DLC1: variants seen among roughly 807,000 people sequenced by gnomAD.
DLC1 encodes the protein rho GTPase-activating protein 7.
In DLC1, 54 loss-of-function variants were observed where a neutral mutation model predicts 140.3. The observed-to-expected ratio is 0.38, with a 90% confidence interval of 0.31 to 0.48. DLC1 has a LOEUF of 0.48. Among genes scored for constraint, DLC1 ranks in the 20% least tolerant of loss-of-function variants. The probability of loss-of-function intolerance (pLI) is 0.96; values close to 1 mark genes in which losing one functional copy is unlikely to be tolerated. For missense variants in DLC1, 2,536 were observed against 1,907.0 expected (o/e 1.33, Z -6.14); for synonymous variants, 986 against 728.1 (o/e 1.35, Z -5.70).
intron 1 of DLC1, among the ~76,000 whole-genome samples, chr8:13,592,217 G>A (rs1237966288): frequency 6.6e-6 from 1 of 152,070 alleles, no homozygotes; most frequent in Non-Finnish European, 1.5e-5. Context: ...ATGTCTTCTA[G>A]AAATTTTCGA....
At chr8:13,180,822 T>G (rs575543966) in intron 5 of DLC1, among the ~76,000 whole-genome samples, 1 of 152,348 alleles carries the variant, frequency 6.6e-6, no homozygotes, top group East Asian at 1.9e-4. Context: ...CTTTAAATAT[T>G]GAAAATAGAG....
At chr8:13,098,284 G>C in intron 10 of DLC1, 115 bp downstream of exon 10, 1 of 1,303,718 alleles carries the variant, frequency 7.7e-7, no homozygotes, top group East Asian at 2.3e-5. Flanking sequence ...TAGGATGACA[G>C]ATGAAATATA....
Position 13,099,577 on chromosome 8 carries a change from G to C in DLC1, c.2760C>G (p.Val920=), listed in dbSNP as rs1585612144. The C allele has an allele frequency of 6.2e-7, 1 of 1,614,174 alleles. No homozygotes were observed. Among genetic ancestry groups the C allele is most frequent in the Non-Finnish European group, 8.5e-7 (1 of 1,180,034 alleles). Residue 920 remains valine (V), a synonymous_variant, in exon 9 of 18, where the codon GTC becomes GTG. Coordinates refer to ENST00000276297, the MANE Select transcript of DLC1 (RefSeq NM_182643.3). The part of the protein sequence containing the change: ...LYHVKGMQRI[V]NQWSEKFSDE... ...CAGAAAACTTCTCCGACCACTGATT[G>C]ACTATCCGCTGCATCCCCTTCACGT... is the stretch of plus-strand genomic sequence containing the variant.
At chr8:13,385,819 C>G (rs2117181806) in intron 4 of DLC1, among the ~76,000 whole-genome samples, 1 of 152,278 alleles carries the variant, frequency 6.6e-6, no homozygotes, top group Non-Finnish European at 1.5e-5. Context: ...GACATGAGCA[C>G]AGAGGCCATC....
rs3066420 is a variant in DLC1 at position 13,537,648 on chromosome 8, C to CTTTTTTT, written c.-125-37459_-125-37453dup. Among the ~76,000 whole-genome samples, 386 of 90,346 alleles carry CTTTTTTT rather than the reference C, an allele frequency of 4.3e-3. 15 individuals carry two copies. The highest frequency in any genetic ancestry group is 0.017 in the African/African-American group (365 of 21,886). 59.3% of individuals were successfully genotyped at this position (90,346 alleles called of 152,430 possible). ...ATGGTAATAGTAACAACAGCTAACT[C>CTTTTTTT]TTTTTTTTTTTTTTTTTTTTTTTGA... On this transcript the variant is annotated intron_variant, in intron 1 of 1. Transcript: ENST00000631382.
chr8:13,425,277 C>T (rs1001654646), intron 2 of DLC1, among the ~76,000 whole-genome samples: 1 of 152,174 alleles, frequency 6.6e-6, no homozygotes, highest in Non-Finnish European at 1.5e-5. Flanking sequence ...AGTGTTGAAA[C>T]GTTGCCAGGA....
At chr8:13,471,497 C>CAGGG (rs148769665) in intron 2 of DLC1, among the ~76,000 whole-genome samples, 26,627 of 115,288 alleles carry the variant, frequency 0.23, 3,949 homozygotes, top group African/African-American at 0.46. Flanking sequence ...GGAAGGGAGG[C>CAGGG]AGGGAAAGGA....
intron 1 of DLC1, among the ~76,000 whole-genome samples, chr8:13,595,399 A>G (rs1805650262): frequency 6.6e-6 from 1 of 152,094 alleles, no homozygotes. Flanking sequence ...TAGTTATGCA[A>G]ACAGAAATTG....
chr8:13,208,773 C>T (rs1436592714), intron 5 of DLC1, among the ~76,000 whole-genome samples: 1 of 149,514 alleles, frequency 6.7e-6, no homozygotes, highest in Non-Finnish European at 1.5e-5. Context: ...CACACACACA[C>T]ACTTCTAATA....
intron 1 of DLC1, among the ~76,000 whole-genome samples, chr8:13,577,012 G>C (rs1440919502): frequency 6.6e-6 from 1 of 152,150 alleles, no homozygotes; most frequent in Non-Finnish European, 1.5e-5. Context: ...TTGCTGATTG[G>C]ACATAATCTA....
chr8:13,327,891 C>G (rs1478137858), intron 4 of DLC1, among the ~76,000 whole-genome samples: 1 of 152,156 alleles, frequency 6.6e-6, no homozygotes, highest in African/African-American at 2.4e-5. Context: ...TTTAGCTATT[C>G]TGAGGAACTA....
chr8:13,367,884 G>A (rs967919078), intron 4 of DLC1, among the ~76,000 whole-genome samples: 21 of 152,162 alleles, frequency 1.4e-4, no homozygotes, highest in African/African-American at 5.1e-4. Flanking sequence ...TAGGACAAGA[G>A]CCTTGAGAAG....
chr8:13,189,746 G>T (rs912859739), intron 5 of DLC1, among the ~76,000 whole-genome samples: 7 of 152,084 alleles, frequency 4.6e-5, no homozygotes, highest in Non-Finnish European at 8.8e-5. Context: ...GCCAAGTGTG[G>T]TGGTACATGC....
At chr8:13,229,651 AAG>A (rs201386292) in intron 5 of DLC1, among the ~76,000 whole-genome samples, 6,587 of 150,534 alleles carry the variant, frequency 0.044, 364 homozygotes, top group African/African-American at 0.12. Context: ...GAGAGAGAGA[AAG>A]AGAGAGAGAG....
intron 1 of DLC1, among the ~76,000 whole-genome samples, chr8:13,533,127 T>TA (rs1803156425): frequency 6.6e-6 from 1 of 152,018 alleles, no homozygotes; most frequent in South Asian, 2.1e-4. Flanking sequence ...CTGGAGGCCA[T>TA]AAAACCACCA....
At chr8:13,392,527 T>C (rs1162063055) in intron 4 of DLC1, among the ~76,000 whole-genome samples, 1 of 152,204 alleles carries the variant, frequency 6.6e-6, no homozygotes, top group African/African-American at 2.4e-5. Context: ...ATTTTAGACT[T>C]GACTTTTATT....
chr8:13,520,421 A>G (rs1052715902), intron 1 of DLC1, among the ~76,000 whole-genome samples: 1 of 152,026 alleles, frequency 6.6e-6, no homozygotes, highest in Non-Finnish European at 1.5e-5. Context: ...GGAGTTGAAC[A>G]GTGGGAACTC....
intron 5 of DLC1, among the ~76,000 whole-genome samples, chr8:13,250,768 G>A (rs982309949): frequency 4.0e-5 from 6 of 151,684 alleles, no homozygotes; most frequent in African/African-American, 1.5e-4. Context: ...AAAAGAAAGA[G>A]AGAGAGAGAA....
intron 1 of DLC1, among the ~76,000 whole-genome samples, chr8:13,539,566 C>G (rs760331741): frequency 6.6e-6 from 1 of 152,084 alleles, no homozygotes. Context: ...GAACAGGAGG[C>G]GCAGTGCCCT....
Sources: allele counts gnomAD v4.1 joint callset (sites outside exome capture counted in the v4.1 genomes callset), GRCh38; gene constraint gnomAD v4.1.1; transcripts MANE v1.5; gene names NCBI Gene and HGNC (gene_info 2026-07-23, HGNC 2026-07-21).